Variants in MDM4 observed in about 807,000 individuals in gnomAD.
MDM4 encodes MDM4 regulator of p53.
In MDM4, 2 loss-of-function variants were observed where a neutral mutation model predicts 60.2. The observed-to-expected ratio is 0.03, with a 90% CI of 0.01 to 0.10. The LOEUF is 0.10. Ranked by LOEUF, MDM4 falls within the 10% of genes least tolerant of loss-of-function variation. The pLI, the probability that MDM4 is intolerant of heterozygous loss-of-function variation, is 1.00. For missense variants in MDM4, 447 were observed against 577.5 expected (o/e 0.77, Z 2.32); for synonymous variants, 202 against 198.1 (o/e 1.02, Z -0.17).
chr1:204,520,328 A>G (rs1384463441), intron 1 of MDM4, among the ~76,000 whole-genome samples: 3 of 150,878 alleles, frequency 2.0e-5, no homozygotes, highest in Non-Finnish European at 2.9e-5. Flanking sequence ...GAATTAATCT[A>G]TGTTAGTGGA....
At chr1:204,525,843 A>G (rs1660080528) in intron 2 of MDM4, among the ~76,000 whole-genome samples, 1 of 152,090 alleles carries the variant, frequency 6.6e-6, no homozygotes, top group South Asian at 2.1e-4. Flanking sequence ...TGGGAGCCTG[A>G]GGCGGGATAT....
At chr1:204,522,353 G>A (rs1659646067) in intron 1 of MDM4, among the ~76,000 whole-genome samples, 1 of 151,856 alleles carries the variant, frequency 6.6e-6, no homozygotes, top group Non-Finnish European at 1.5e-5. Flanking sequence ...AAGCAAATGA[G>A]GAAGTAGGTG....
At chr1:204,531,875 A>G (rs963701372) in intron 4 of MDM4, among the ~76,000 whole-genome samples, 2 of 152,118 alleles carry the variant, frequency 1.3e-5, no homozygotes, top group South Asian at 4.1e-4. Flanking sequence ...TCCAATTACA[A>G]TGTGAAACTT....
rs1251818031 is a variant in MDM4 at position 204,542,904 on chromosome 1, C to T, written c.632C>T (p.Thr211Ile). 2.5e-6 allele frequency: 4 copies of T among 1,613,562 alleles called. No homozygotes were observed. Among genetic ancestry groups the T allele is most frequent in the Admixed American group, 1.7e-5 (1 of 59,936 alleles). ...TTAGGAAACTTGAGAAGCAACTATACACCTAGAAGTAATGGCTCAACTGAT... is the reference window on the plus strand; with the variant it reads ...TTAGGAAACTTGAGAAGCAACTATATACCTAGAAGTAATGGCTCAACTGAT... ...WFLGNLRSNY[T>I]PRSNGSTDLQ... The change falls in exon 8 of 11, where the codon ACA (threonine) becomes ATA (isoleucine). Residue 211 changes from threonine (T) to isoleucine (I), a missense_variant. This residue lies in a region of MDM4 where 184 missense variants were observed against 179.3 expected (regional missense o/e 1.03). Coordinates refer to ENST00000367182, the MANE Select transcript of MDM4 (RefSeq NM_002393.5).
Position 204,555,448 on chromosome 1 carries a change from CG to C in MDM4, c.*5768del, listed in dbSNP as rs1417142737. On this transcript the variant is annotated 3_prime_UTR_variant, in exon 11 of 11. Transcript: ENST00000367182. ...GATTACAGGCGTGAGCCACCGCGCC[CG>C]GCCGGAACTCTCCATTTCTTAAGGT... 1.8e-5 allele frequency: 3 copies of C among 163,516 alleles called. No individual in the cohort carries two copies. The highest frequency in any genetic ancestry group is 7.2e-5 in the African/African-American group (3 of 41,836). The allele number at this position is 163,516 out of a possible 1,614,324, so 10.1% of individuals were successfully genotyped here.
In MDM4 at chr1:204,554,022, G is replaced by C; in HGVS notation, c.*4340G>C. 4.4e-6 allele frequency: 1 copy of C among 226,072 alleles called. No homozygotes were observed. Among genetic ancestry groups the C allele is most frequent in the Admixed American group, 5.7e-5 (1 of 17,534 alleles). The allele number at this position is 226,072 out of a possible 1,614,324, so 14.0% of individuals were successfully genotyped here. On this transcript the variant is annotated 3_prime_UTR_variant, in exon 11 of 11. Transcript: ENST00000367182. ...GTGTTTTAATTATAATTTATGTATA[G>C]TTAGATGTATGTAGTGCATTGTGTG...
intron 1 of MDM4, among the ~76,000 whole-genome samples, chr1:204,520,350 C>G (rs985479454): frequency 3.5e-5 from 5 of 144,564 alleles, no homozygotes; most frequent in Admixed American, 2.1e-4. Flanking sequence ...CAAAATTTCC[C>G]AAATTACATG....
At chr1:204,521,172 A>G (rs566395784) in intron 1 of MDM4, among the ~76,000 whole-genome samples, 2 of 152,324 alleles carry the variant, frequency 1.3e-5, no homozygotes, top group South Asian at 2.1e-4. Flanking sequence ...GTTTATATGT[A>G]TGCCTGGTAC....
At chr1:204,523,933 G>A (rs1659843697) in intron 1 of MDM4, among the ~76,000 whole-genome samples, 4 of 152,084 alleles carry the variant, frequency 2.6e-5, no homozygotes, top group Non-Finnish European at 5.9e-5. Context: ...AGCTAATACT[G>A]ATGGGCTATT....
chr1:204,525,947 A>T (rs1047863307), intron 2 of MDM4, among the ~76,000 whole-genome samples: 1 of 151,614 alleles, frequency 6.6e-6, no homozygotes, highest in Non-Finnish European at 1.5e-5. Flanking sequence ...TCTCTTTTTT[A>T]AAAAAAGTAG....
intron 1 of MDM4, among the ~76,000 whole-genome samples, chr1:204,524,907 G>A (rs1659963740): frequency 6.6e-6 from 1 of 152,088 alleles, no homozygotes. Context: ...TTTCTTTGAT[G>A]GTATATGTCC....
rs1661429227 is a variant in MDM4 at position 204,536,368 on chromosome 1, A to G, written c.344-1062A>G. On this transcript the variant is annotated intron_variant, in intron 5 of 10. Coordinates refer to ENST00000367182, the MANE Select transcript of MDM4 (RefSeq NM_002393.5). ...TTTTTGTTGTCTCCGTTTGTCCACA[A>G]AAATGTTTCTGGAAATAATGTTTTT... 2.0e-5 allele frequency among the ~76,000 whole-genome samples: 3 copies of G among 152,390 alleles called. No homozygotes were observed. The South Asian group carries it at 6.2e-4, about 32-fold the overall frequency.
rs997001932 is a variant in MDM4, at chr1:204,549,853, T to C, written c.*171T>C. On this transcript the variant is annotated 3_prime_UTR_variant, in exon 11 of 11. Transcript: ENST00000367182. ...CTAACAATGAAGAACAGAAGTAATC[T>C]GATTAGTCAAATTATTAAGTGCCAT... 1.2e-5 allele frequency: 6 copies of C among 504,910 alleles called. No individual in the cohort carries two copies. The highest frequency in any genetic ancestry group is 1.7e-5 in the Non-Finnish European group (5 of 291,650). 31.3% of individuals were successfully genotyped at this position (504,910 alleles called of 1,614,324 possible).
chr1:204,524,490 A>G (rs952167193), intron 1 of MDM4, among the ~76,000 whole-genome samples: 4 of 152,108 alleles, frequency 2.6e-5, no homozygotes, highest in Non-Finnish European at 5.9e-5. Flanking sequence ...TTAAAAATCT[A>G]TTTTCCGGCT....
In MDM4 at chr1:204,553,517, A is replaced by G. The variant is rs1193830365; in HGVS notation, c.*3835A>G. 16 of 226,502 alleles carry G rather than the reference A, an allele frequency of 7.1e-5. No individual in the cohort carries two copies. The highest frequency in any genetic ancestry group is 1.1e-4 in the Non-Finnish European group (13 of 114,024). 14.0% of individuals were successfully genotyped at this position (226,502 alleles called of 1,614,324 possible). On this transcript the variant is annotated 3_prime_UTR_variant, in exon 11 of 11. Transcript: ENST00000367182. ...AAGCCTTGTTCGAGTTGATATCTTGATTGTGAGGAAGGATCTGTGTCATTG... is the reference window on the plus strand; with the variant it reads ...AAGCCTTGTTCGAGTTGATATCTTGGTTGTGAGGAAGGATCTGTGTCATTG...
intron 1 of MDM4, among the ~76,000 whole-genome samples, chr1:204,517,721 C>T (rs1041483703): frequency 1.3e-5 from 2 of 150,568 alleles, no homozygotes; most frequent in Non-Finnish European, 3.0e-5. Context: ...AGTTTAAAAG[C>T]AACACCCGGA....
Position 204,525,356 on chromosome 1 carries a change from A to G in MDM4, c.-35-128A>G, listed in dbSNP as rs567531057. 1.9e-5 allele frequency: 26 copies of G among 1,394,254 alleles called. No homozygotes were observed. The South Asian group carries it at 3.7e-4, about 20-fold the overall frequency. The allele number at this position is 1,394,254 out of a possible 1,614,324, so 86.4% of individuals were successfully genotyped here. On this transcript the variant is annotated intron_variant, in intron 1 of 10. Coordinates refer to ENST00000367182, the MANE Select transcript of MDM4 (RefSeq NM_002393.5). The stretch of plus-strand genomic sequence containing the variant: ...CAGAACCTCAGCAAGGGTATACAGC[A>G]TTTGTGTACGGTGCTCCATTATATG...
chr1:204,557,517 C>T lies in MDM4; in HGVS notation c.*7835C>T, dbSNP rs1372853329. On this transcript the variant is annotated 3_prime_UTR_variant, in exon 11 of 11. Coordinates refer to ENST00000367182, the MANE Select transcript of MDM4 (RefSeq NM_002393.5). ...TCCTGGGTTCAAGCGATCCTCCTGCCTCAACCTCTCAAGTAGCTGGGACTA... is the reference window on the plus strand; with the variant it reads ...TCCTGGGTTCAAGCGATCCTCCTGCTTCAACCTCTCAAGTAGCTGGGACTA... 5 of 172,788 alleles carry T rather than the reference C, an allele frequency of 2.9e-5. No homozygotes were observed. 10.7% of individuals were successfully genotyped at this position (172,788 alleles called of 1,614,324 possible). A position where few individuals can be genotyped will look rare whatever the true frequency, so the allele number is the denominator to read the frequency against.
chr1:204,552,875 T>TC lies in MDM4; in HGVS notation c.*3193_*3194insC. Reference sequence around the variant, plus strand: ...TTTAAACTATTTCTTTTCTTTTCTTTTTTTTTTTTTTTTACTTGAGATGGA... The same window carrying TC: ...TTTAAACTATTTCTTTTCTTTTCTTTCTTTTTTTTTTTTTACTTGAGATGGA... On this transcript the variant is annotated 3_prime_UTR_variant, in exon 11 of 11. Coordinates refer to ENST00000367182, the MANE Select transcript of MDM4 (RefSeq NM_002393.5). The TC allele has an allele frequency of 6.2e-6, 1 of 160,638 alleles. No individual in the cohort carries two copies. The highest frequency in any genetic ancestry group is 2.1e-4 in the South Asian group (1 of 4,806). The allele number at this position is 160,638 out of a possible 1,614,324, so 10.0% of individuals were successfully genotyped here.
Sources: gnomAD v4.1 joint callset for allele counts (sites outside exome capture counted in the v4.1 genomes callset) on GRCh38, gnomAD v4.1.1 for gene constraint, gnomAD v4.1.1 regional missense constraint, MANE v1.5 for transcripts, NCBI Gene and HGNC (gene_info 2026-07-23, HGNC 2026-07-21) for gene names.